The following ACER1 variants were observed in gnomAD, a reference collection of about 807,000 sequenced individuals.
ACER1 encodes alkaline ceramidase 1.
In ACER1, 28 loss-of-function variants were observed where a neutral mutation model predicts 24.9. The observed-to-expected ratio is 1.13, with a 90% CI of 0.83 to 1.54. ACER1 has a LOEUF of 1.54. Ranked by LOEUF, ACER1 falls within the 40% of genes most tolerant of loss-of-function variation. The probability of loss-of-function intolerance (pLI) is 0.00; values close to 1 mark genes in which losing one functional copy is unlikely to be tolerated. For missense variants in ACER1, 352 were observed against 349.3 expected, an observed-to-expected ratio of 1.01 and a Z score of -0.06; for synonymous variants, 132 against 131.4, an observed-to-expected ratio of 1.00 and a Z score of -0.03.
At chr19:6,340,151 C>G in the ACER1 span, among the ~76,000 whole-genome samples, 7 of 151,144 alleles carry the variant, frequency 4.6e-5, no homozygotes, top group African/African-American at 1.7e-4. Context: ...CGTGGTGGTG[C>G]GTGCCTGTAA....
intron 1 of ACER1, among the ~76,000 whole-genome samples, chr19:6,312,992 C>G (rs2091589313): frequency 6.6e-6 from 1 of 152,150 alleles, no homozygotes. Flanking sequence ...TTCAGCTGAT[C>G]TTGACCATCA....
At position 6,309,730 on chromosome 19, in the gene ACER1, T is replaced by A; in HGVS notation, c.455A>T (p.His152Leu). 6.2e-7 allele frequency: 1 copy of A among 1,614,016 alleles called. No homozygotes were observed. The highest frequency in any genetic ancestry group is 1.1e-5 in the South Asian group (1 of 91,078). The change falls in exon 4 of 6, where the codon CAC (histidine) becomes CTC (leucine). Residue 152 changes from histidine to leucine, a missense_variant. Coordinates refer to ENST00000301452, the MANE Select transcript of ACER1 (RefSeq NM_133492.3). ...NAYALNSIAL[H>L]ILYIVCQEYR... ...CTCCTGGCACACGATGTAGAGAATG[T>A]GCAGGGCAATGCTGTTGAGGGCGTA...
intron 1 of ACER1, among the ~76,000 whole-genome samples, chr19:6,328,576 T>G (rs2145016744): frequency 6.6e-6 from 1 of 151,028 alleles, no homozygotes; most frequent in African/African-American, 2.4e-5. Context: ...CTGGGTGCAG[T>G]GGCTTATGTC....
At chr19:6,318,149 G>A (rs1298035074) in intron 1 of ACER1, among the ~76,000 whole-genome samples, 2 of 150,918 alleles carry the variant, frequency 1.3e-5, no homozygotes, top group Non-Finnish European at 2.9e-5. Context: ...GTGAAACCCC[G>A]TCCTAAAAAA....
At chr19:6,335,464 C>T (rs1418251680), upstream of ACER1, among the ~76,000 whole-genome samples, 1 of 151,936 alleles carries the variant, frequency 6.6e-6, no homozygotes, top group Non-Finnish European at 1.5e-5. Flanking sequence ...ACCTTGTGAT[C>T]TGCCCGTCTC....
the ACER1 span, among the ~76,000 whole-genome samples, chr19:6,358,950 A>AAAAAAAAAAAAAAG: frequency 6.7e-6 from 1 of 150,276 alleles, no homozygotes; most frequent in African/African-American, 2.5e-5. Context: ...AAAAAAAAAA[A>AAAAAAAAAAAAAAG]GAGTCCAGCT....
intron 3 of ACER1, among the ~76,000 whole-genome samples, chr19:6,310,095 C>T (rs1324354668): frequency 2.7e-5 from 4 of 147,740 alleles, no homozygotes; most frequent in Non-Finnish European, 6.0e-5. Context: ...AACCCCATTT[C>T]TTTTTTTTTT....
chr19:6,355,356 A>G, the ACER1 span, among the ~76,000 whole-genome samples: 13 of 130,766 alleles, frequency 9.9e-5, no homozygotes, highest in African/African-American at 3.4e-4. Context: ...CTGCCTGGCC[A>G]CCACCCCATC....
chr19:6,317,396 G>A (rs961440678), intron 1 of ACER1, among the ~76,000 whole-genome samples: 3 of 152,218 alleles, frequency 2.0e-5, no homozygotes, highest in Admixed American at 6.5e-5. Flanking sequence ...GACTGCAAGC[G>A]CTTCTCTTCA....
chr19:6,350,722 C>T, the ACER1 span, among the ~76,000 whole-genome samples: 2 of 152,084 alleles, frequency 1.3e-5, no homozygotes, highest in Non-Finnish European at 2.9e-5. Flanking sequence ...AGAAGGAACA[C>T]TCCATGAAAG....
chr19:6,317,386 G>T (rs997100620), intron 1 of ACER1, among the ~76,000 whole-genome samples: 4 of 152,214 alleles, frequency 2.6e-5, no homozygotes, highest in African/African-American at 9.6e-5. Context: ...TACAGTTCTG[G>T]ACTGCAAGCG....
At chr19:6,340,463 G>A in the ACER1 span, among the ~76,000 whole-genome samples, 7 of 152,138 alleles carry the variant, frequency 4.6e-5, no homozygotes, top group East Asian at 1.9e-4. Flanking sequence ...CCCCAAATCC[G>A]CTTCCCAGGT....
At chr19:6,349,471 A>AGGAAGGAAGGAGGGAG in the ACER1 span, among the ~76,000 whole-genome samples, 1 of 127,876 alleles carries the variant, frequency 7.8e-6, no homozygotes. Context: ...GAAGGAAAGA[A>AGGAAGGAAGGAGGGAG]GGAAGGAAGG....
chr19:6,309,837 G>A lies in ACER1; in HGVS notation c.351-3C>T. ...AGACCAGGCGGATGAACTGGGACCTGGGGAGGAAGGGGCTCAGCTGTAGGC... is the reference window on the plus strand; with the variant it reads ...AGACCAGGCGGATGAACTGGGACCTAGGGAGGAAGGGGCTCAGCTGTAGGC... On this transcript the variant is annotated splice_polypyrimidine_tract_variant and splice_region_variant and intron_variant, in intron 3 of 5. Transcript: ENST00000301452. 1.9e-6 allele frequency: 3 copies of A among 1,613,918 alleles called. No homozygotes were observed. Among genetic ancestry groups the A allele is most frequent in the Non-Finnish European group, 8.5e-7 (1 of 1,179,922 alleles).
the ACER1 span, among the ~76,000 whole-genome samples, chr19:6,340,493 ACAC>A: frequency 6.6e-6 from 1 of 152,070 alleles, no homozygotes; most frequent in African/African-American, 2.4e-5. Flanking sequence ...GGGCAAACAG[ACAC>A]CACCACTGCC....
At chr19:6,335,210 T>A (rs1276205663), upstream of ACER1, among the ~76,000 whole-genome samples, 1 of 145,416 alleles carries the variant, frequency 6.9e-6, no homozygotes, top group African/African-American at 2.5e-5. Flanking sequence ...TTCAGTATTA[T>A]CTCATTTAAC....
chr19:6,315,193 A>ATTTATT (rs572240648), intron 1 of ACER1, among the ~76,000 whole-genome samples: 1,771 of 148,914 alleles, frequency 0.012, 31 homozygotes, highest in Middle Eastern at 0.024. Flanking sequence ...TTATTTATTT[A>ATTTATT]TATTTATTTA....
At chr19:6,338,388 G>T (rs999496303), upstream of ACER1, among the ~76,000 whole-genome samples, 10 of 152,170 alleles carry the variant, frequency 6.6e-5, 1 homozygote, top group East Asian at 9.6e-4. Flanking sequence ...CTGAGAAAAT[G>T]AAAAGAAAAT....
At chr19:6,339,442 G>C in the ACER1 span, among the ~76,000 whole-genome samples, 2 of 151,972 alleles carry the variant, frequency 1.3e-5, no homozygotes, top group Non-Finnish European at 1.5e-5. Flanking sequence ...GAAGTAGAAC[G>C]GGGGGTATGA....
Sources: gnomAD v4.1 joint callset for allele counts (sites outside exome capture counted in the v4.1 genomes callset) on GRCh38, gnomAD v4.1.1 for gene constraint, MANE v1.5 for transcripts, NCBI Gene and HGNC (gene_info 2026-07-23, HGNC 2026-07-21) for gene names.